The following PHF21A variants were observed in gnomAD, a reference collection of about 807,000 sequenced individuals.
The protein encoded by PHF21A is PHD finger protein 21A.
A neutral mutation model predicts 82.5 loss-of-function variants in PHF21A; 11 were observed. The ratio of observed to expected loss-of-function variants is 0.13; its 90% confidence interval spans 0.08 to 0.22. PHF21A has a LOEUF of 0.22. PHF21A is among the 10% of genes least tolerant of loss of function. The pLI is 1.00. For synonymous variants in PHF21A, 297 were observed against 302.8 expected (o/e 0.98, Z 0.20); for missense variants, 579 against 837.8 (o/e 0.69, Z 3.81).
intron 6 of PHF21A, among the ~76,000 whole-genome samples, chr11:46,027,836 G>T (rs1592178423): frequency 1.3e-5 from 2 of 152,196 alleles, no homozygotes; most frequent in Middle Eastern, 3.4e-3. Context: ...AAATACTTAA[G>T]CCAATATTTT....
At position 45,932,871 on chromosome 11, in the gene PHF21A, T is replaced by C. The variant is rs2087820487; in HGVS notation, c.*1097A>G. The C allele has an allele frequency of 6.6e-6, 1 of 152,608 alleles. No individual in the cohort carries two copies. The highest frequency in any genetic ancestry group is 2.1e-4 in the South Asian group (1 of 4,830). The allele number at this position is 152,608 out of a possible 1,614,324, so 9.5% of individuals were successfully genotyped here. A position where few individuals can be genotyped will look rare whatever the true frequency, so the allele number is the denominator to read the frequency against. Reference sequence around the variant, plus strand: ...AGGTCTTGGCTACCCTTAATTGGACTGTCAGCCTGAAAAACAGCTTTTCTA... The same window carrying C: ...AGGTCTTGGCTACCCTTAATTGGACCGTCAGCCTGAAAAACAGCTTTTCTA... On this transcript the variant is annotated 3_prime_UTR_variant, in exon 19 of 19. Coordinates refer to ENST00000676320, the MANE Select transcript of PHF21A (RefSeq NM_001352027.3). The surrounding 1 kb of genome is among the most constrained non-coding windows in gnomAD (Gnocchi z 4.3).
At chr11:46,034,221 A>ACC (rs11463148) in intron 6 of PHF21A, among the ~76,000 whole-genome samples, 69 of 124,872 alleles carry the variant, frequency 5.5e-4, no homozygotes, top group Admixed American at 2.8e-3. Flanking sequence ...TAGTGCCCCC[A>ACC]CCCCCCCCTT....
At chr11:46,031,124 A>T (rs372719754) in intron 6 of PHF21A, among the ~76,000 whole-genome samples, 2 of 152,146 alleles carry the variant, frequency 1.3e-5, no homozygotes, top group South Asian at 2.1e-4. Flanking sequence ...CCAAGCTCAA[A>T]GCCTCAGAGT....
At chr11:46,008,654 C>T (rs1355571112) in intron 6 of PHF21A, among the ~76,000 whole-genome samples, 3 of 152,046 alleles carry the variant, frequency 2.0e-5, no homozygotes, top group African/African-American at 7.3e-5. Flanking sequence ...TGCTGCTGGA[C>T]AAGTCACACT....
intron 10 of PHF21A, 71 bp downstream of exon 10, chr11:45,965,244 G>A: frequency 7.6e-7 from 1 of 1,319,990 alleles, no homozygotes; most frequent in Non-Finnish European, 1.1e-6. Context: ...AATGTATTTA[G>A]AGAAAGCCCA....
At chr11:45,967,760 T>A (rs2093532806) in intron 9 of PHF21A, among the ~76,000 whole-genome samples, 1 of 152,196 alleles carries the variant, frequency 6.6e-6, no homozygotes, top group Non-Finnish European at 1.5e-5. Context: ...GGTATGAATG[T>A]CTGACTGAAC....
At chr11:46,096,797 C>T (rs1320570294) in intron 1 of PHF21A, among the ~76,000 whole-genome samples, 1 of 152,098 alleles carries the variant, frequency 6.6e-6, no homozygotes, top group Non-Finnish European at 1.5e-5. Context: ...AGCACATATC[C>T]TTCCCCTGAA....
chr11:45,953,598 C>T lies in PHF21A; in HGVS notation c.1024G>A (p.Glu342Lys). 6.2e-7 allele frequency: 1 copy of T among 1,613,636 alleles called. No individual in the cohort carries two copies. Reference sequence around the variant, plus strand: ...ATGGTGCGGCTCTCTGTTTGTTTCTCATCTGTTTCTGTGTGAGATTTAACT... The same window carrying T: ...ATGGTGCGGCTCTCTGTTTGTTTCTTATCTGTTTCTGTGTGAGATTTAACT... ...QTVKSHTETD[E>K]KQTESRTITP... Residue 342 changes from glutamate to lysine, a missense_variant, in exon 11 of 19, where the codon GAG becomes AAG. By Grantham distance (56) the Glu-to-Lys change is moderately conservative. Around this residue, in one of 3 missense-constraint regions of PHF21A, gnomAD observed 410 missense variants for 642.1 expected, o/e 0.64. Coordinates refer to ENST00000676320, the MANE Select transcript of PHF21A (RefSeq NM_001352027.3).
intron 6 of PHF21A, among the ~76,000 whole-genome samples, chr11:46,055,538 T>C (rs1471821280): frequency 2.0e-5 from 3 of 152,130 alleles, no homozygotes; most frequent in African/African-American, 2.4e-5. Context: ...ACACAAATGC[T>C]AGCCACAGGT....
intron 3 of PHF21A, among the ~76,000 whole-genome samples, chr11:46,084,808 TA>T (rs952381673): frequency 1.3e-5 from 2 of 151,790 alleles, no homozygotes; most frequent in African/African-American, 2.4e-5. Context: ...GCCTCCAGAG[TA>T]GCTGGGACTA....
intron 6 of PHF21A, among the ~76,000 whole-genome samples, chr11:46,042,853 A>G (rs940783064): frequency 3.3e-5 from 5 of 151,988 alleles, no homozygotes; most frequent in African/African-American, 1.2e-4. Context: ...TCCTCACAAA[A>G]TCTGCTGATG....
rs148206958 is a variant in PHF21A, at chr11:46,028,786, C to T, written c.153+47968G>A. On this transcript the variant is annotated intron_variant, in intron 6 of 18. Transcript: ENST00000676320. ...ATGGGGTTTCACCATGTTGGTCAGG[C>T]TAGTTTCGAACTCCTGACCTCATCG... Among the ~76,000 whole-genome samples, 45 of 151,962 alleles carry T rather than the reference C, an allele frequency of 3.0e-4. No individual in the cohort carries two copies. In the East Asian group the frequency reaches 8.5e-3, roughly 29 times the overall value.
At chr11:46,077,634 T>C (rs932409668) in intron 5 of PHF21A, among the ~76,000 whole-genome samples, 3 of 152,204 alleles carry the variant, frequency 2.0e-5, no homozygotes, top group Admixed American at 1.3e-4. Context: ...TCCTCGTCTA[T>C]TAAATTTGGT....
intron 18 of PHF21A, chr11:45,935,423 C>G (rs2088678922): frequency 7.1e-6 from 5 of 700,584 alleles, no homozygotes; most frequent in Middle Eastern, 5.6e-4. Flanking sequence ...GAGGATGTTA[C>G]AGAGCTTGGG....
chr11:46,063,050 T>C (rs1404260494), intron 6 of PHF21A, among the ~76,000 whole-genome samples: 2 of 152,126 alleles, frequency 1.3e-5, no homozygotes, highest in African/African-American at 4.8e-5. Flanking sequence ...TCTTTCAAGG[T>C]GTATCATTTA....
At chr11:46,080,983 C>T (rs545286809) in intron 4 of PHF21A, among the ~76,000 whole-genome samples, 21 of 152,286 alleles carry the variant, frequency 1.4e-4, no homozygotes, top group African/African-American at 5.1e-4. Context: ...ATTCTAACAA[C>T]CCTGAAACCC....
chr11:45,954,695 C>T (rs1312065719), intron 10 of PHF21A, among the ~76,000 whole-genome samples: 1 of 152,108 alleles, frequency 6.6e-6, no homozygotes, highest in African/African-American at 2.4e-5. Flanking sequence ...TCCGTAAATA[C>T]TGAAATAATT....
chr11:45,939,484 T>C (rs1203672246), intron 15 of PHF21A, among the ~76,000 whole-genome samples: 1 of 152,176 alleles, frequency 6.6e-6, no homozygotes, highest in East Asian at 1.9e-4. Flanking sequence ...CTTTCTAAAA[T>C]GAAGAATTTA....
intron 6 of PHF21A, among the ~76,000 whole-genome samples, chr11:46,008,632 A>G (rs1358893470): frequency 6.6e-6 from 1 of 152,214 alleles, no homozygotes; most frequent in African/African-American, 2.4e-5. Flanking sequence ...GGTTTTGTGT[A>G]TGAAAACCTG....
Sources: allele counts gnomAD v4.1 joint callset (sites outside exome capture counted in the v4.1 genomes callset), GRCh38; gene constraint gnomAD v4.1.1; regional missense constraint gnomAD v4.1.1; non-coding constraint Gnocchi (gnomAD v3.1); transcripts MANE v1.5; gene names NCBI Gene and HGNC (gene_info 2026-07-23, HGNC 2026-07-21).